The following CELF1 variants were observed in gnomAD, a reference collection of about 807,000 sequenced individuals.
The protein encoded by CELF1 is 50 kDa nuclear polyadenylated RNA-binding protein.
CELF1 carries 10 observed loss-of-function variants against 61.8 expected under a neutral mutation model. The observed-to-expected ratio is 0.16, with a 90% CI of 0.10 to 0.27. The LOEUF is 0.27. Among genes scored for constraint, CELF1 ranks in the 10% least tolerant of loss-of-function variants. The pLI, the probability that CELF1 is intolerant of heterozygous loss-of-function variation, is 1.00. For synonymous variants in CELF1, 236 were observed against 225.1 expected (o/e 1.05, Z -0.43); for missense variants, 380 against 639.1 (o/e 0.59, Z 4.37).
chr11:47,526,947 A>C (rs555394472), intron 1 of CELF1, among the ~76,000 whole-genome samples: 1 of 151,858 alleles, frequency 6.6e-6, no homozygotes, highest in East Asian at 1.9e-4. Context: ...GCTACTCAGG[A>C]GGCTGAGGCA....
rs538494499 is a variant in CELF1, at chr11:47,483,981, T to A, written c.526+408A>T. On this transcript the variant is annotated intron_variant, in intron 7 of 14. Transcript: ENST00000687097. ...GGAAGCAGCAGGCCCAACCTCTTTATCTTGACTGGGCCATATTGGCTAGGG... is the reference window on the plus strand; with the variant it reads ...GGAAGCAGCAGGCCCAACCTCTTTAACTTGACTGGGCCATATTGGCTAGGG... Among the ~76,000 whole-genome samples, 29 of 152,226 alleles carry A rather than the reference T, an allele frequency of 1.9e-4. No homozygotes were observed. In the East Asian group the frequency reaches 5.6e-3, roughly 29 times the overall value.
At position 47,531,462 on chromosome 11, in the gene CELF1, TG is replaced by T. The variant is rs1046224527; in HGVS notation, c.-154+21529del. Among the ~76,000 whole-genome samples, 56 of 151,840 alleles carry T rather than the reference TG, an allele frequency of 3.7e-4. 1 individual carries two copies. The highest frequency in any genetic ancestry group is 1.5e-5 in the Non-Finnish European group (1 of 67,958). ...CACTCGCCTATAGTCTCAGCTACTC[TG>T]GGGGCTGAGGTAGGAGAATTGCTTG... On this transcript the variant is annotated intron_variant, in intron 1 of 14. Coordinates refer to ENST00000687097, the MANE Select transcript of CELF1 (RefSeq NM_001376376.1).
intron 3 of CELF1, among the ~76,000 whole-genome samples, chr11:47,498,065 T>A (rs1177170773): frequency 6.6e-6 from 1 of 152,160 alleles, no homozygotes; most frequent in Non-Finnish European, 1.5e-5. Context: ...TAAAATAAAA[T>A]TTTAGTAGTA....
At chr11:47,486,348 C>T (rs2087055925) in intron 6 of CELF1, among the ~76,000 whole-genome samples, 1 of 151,600 alleles carries the variant, frequency 6.6e-6, no homozygotes, top group African/African-American at 2.4e-5. Context: ...ACAACTTAGA[C>T]AACGGATTAC....
chr11:47,552,615 G>A (rs2097169297), intron 1 of CELF1, among the ~76,000 whole-genome samples: 1 of 152,252 alleles, frequency 6.6e-6, no homozygotes, highest in Non-Finnish European at 1.5e-5. Context: ...GTCCCGGGCA[G>A]GTAGCCTGGG....
At chr11:47,559,027 TATA>T (rs960006058) in intron 2 of CELF1, among the ~76,000 whole-genome samples, 48 of 143,156 alleles carry the variant, frequency 3.4e-4, no homozygotes, top group Admixed American at 6.8e-4. Flanking sequence ...ATATATAATA[TATA>T]ATATGTTACA....
chr11:47,523,402 A>C (rs537590404), intron 1 of CELF1: 1 of 152,430 alleles, frequency 6.6e-6, no homozygotes, highest in East Asian at 1.9e-4. Context: ...GAGAAGATGA[A>C]GCAGATATAA....
At position 47,467,877 on chromosome 11, in the gene CELF1, TAATC is replaced by T. The variant is rs557145148; in HGVS notation, c.*4349_*4352del. The T allele has an allele frequency of 1.5e-3, 223 of 152,204 alleles. No homozygotes were observed. Among genetic ancestry groups the T allele is most frequent in the African/African-American group, 4.9e-3 (202 of 41,526 alleles). The allele number at this position is 152,204 out of a possible 1,614,324, so 9.4% of individuals were successfully genotyped here. A position where few individuals can be genotyped will look rare whatever the true frequency, so the allele number is the denominator to read the frequency against. On this transcript the variant is annotated 3_prime_UTR_variant, in exon 15 of 15. Coordinates refer to ENST00000687097, the MANE Select transcript of CELF1 (RefSeq NM_001376376.1). Reference sequence around the variant, plus strand: ...TTAAACAATACAATCTTGAAAAAAATAATCAACCCTACAACAATTTAAAACAGCT... The same window carrying T: ...TTAAACAATACAATCTTGAAAAAAATAACCCTACAACAATTTAAAACAGCT...
chr11:47,503,612 C>T (rs921041766), intron 1 of CELF1, among the ~76,000 whole-genome samples: 1 of 152,116 alleles, frequency 6.6e-6, no homozygotes, highest in Non-Finnish European at 1.5e-5. Context: ...GGTATTTTAC[C>T]CCCAAGTTTC....
chr11:47,483,924 G>C (rs1280489883), intron 7 of CELF1, among the ~76,000 whole-genome samples: 2 of 152,182 alleles, frequency 1.3e-5, no homozygotes, highest in African/African-American at 4.8e-5. Context: ...GAACTGATAG[G>C]AGGAGTCAAG....
At chr11:47,523,736 T>C (rs2096075699) in intron 1 of CELF1, 1 of 152,240 alleles carries the variant, frequency 6.6e-6, no homozygotes, top group Non-Finnish European at 1.5e-5. Context: ...TGACAAGTTC[T>C]ATTCCCAACA....
chr11:47,558,693 AAT>A (rs1240465690), intron 2 of CELF1, among the ~76,000 whole-genome samples: 6 of 114,992 alleles, frequency 5.2e-5, no homozygotes, highest in East Asian at 4.3e-4. Flanking sequence ...TATTATATAT[AAT>A]ATATGTCATA....
intron 3 of CELF1, among the ~76,000 whole-genome samples, chr11:47,490,738 T>C (rs2091031735): frequency 6.6e-6 from 1 of 152,100 alleles, no homozygotes; most frequent in Non-Finnish European, 1.5e-5. Flanking sequence ...GTGCTAGTTC[T>C]CTTTAAACAA....
intron 1 of CELF1, among the ~76,000 whole-genome samples, chr11:47,511,644 G>A (rs1445396136): frequency 2.6e-5 from 4 of 152,144 alleles, no homozygotes; most frequent in Non-Finnish European, 4.4e-5. Context: ...CATACACTAT[G>A]ACCTGTTTTG....
At position 47,470,307 on chromosome 11, in the gene CELF1, TTTTC is replaced by T. The variant is rs2077408159; in HGVS notation, c.*1919_*1922del. 6.6e-6 allele frequency: 1 copy of T among 152,120 alleles called. No homozygotes were observed. The highest frequency in any genetic ancestry group is 2.1e-4 in the South Asian group (1 of 4,818). The allele number at this position is 152,120 out of a possible 1,614,324, so 9.4% of individuals were successfully genotyped here. A position where few individuals can be genotyped will look rare whatever the true frequency, so the allele number is the denominator to read the frequency against. ...TTTTCTTTTTTTTTTTTGTTTTCTTTTTTCTTTTTTATTTTTATTTTTTGCATTT... is the reference window on the plus strand; with the variant it reads ...TTTTCTTTTTTTTTTTTGTTTTCTTTTTTTTTATTTTTATTTTTTGCATTT... On this transcript the variant is annotated 3_prime_UTR_variant, in exon 15 of 15. Coordinates refer to ENST00000687097, the MANE Select transcript of CELF1 (RefSeq NM_001376376.1).
At chr11:47,519,762 C>T (rs577574382) in intron 1 of CELF1, among the ~76,000 whole-genome samples, 31 of 151,752 alleles carry the variant, frequency 2.0e-4, no homozygotes, top group African/African-American at 7.0e-4. Context: ...ACTCGGGAGG[C>T]TGAGGCAGGA....
chr11:47,480,338 C>T (rs1467933303), intron 9 of CELF1, among the ~76,000 whole-genome samples: 7 of 152,146 alleles, frequency 4.6e-5, no homozygotes, highest in African/African-American at 1.7e-4. Context: ...TTGCCTGCCT[C>T]GGCTTCCCAA....
chr11:47,484,323 A>C (rs1596387053), intron 7 of CELF1, 66 bp downstream of exon 7: 1 of 1,560,476 alleles, frequency 6.4e-7, no homozygotes, highest in East Asian at 2.2e-5. Context: ...TCTCCAAAAA[A>C]AAAAAAACCC....
Position 47,489,071 on chromosome 11 carries a change from C to T in CELF1, c.72-47G>A, listed in dbSNP as rs756835511. 7 of 1,399,648 alleles carry T rather than the reference C, an allele frequency of 5.0e-6. No homozygotes were observed. The South Asian group carries it at 9.9e-5, about 20-fold the overall frequency. 86.7% of individuals were successfully genotyped at this position (1,399,648 alleles called of 1,614,324 possible). A position where few individuals can be genotyped will look rare whatever the true frequency, so the allele number is the denominator to read the frequency against. On this transcript the variant is annotated intron_variant, in intron 3 of 14. Transcript: ENST00000687097. ...TTCTATTATGTAATAATGTTGCTTT[C>T]CAGAGGAAATTTTCTTTTCTTTAAT...
Sources: allele counts gnomAD v4.1 joint callset (sites outside exome capture counted in the v4.1 genomes callset), GRCh38; gene constraint gnomAD v4.1.1; transcripts MANE v1.5; gene names NCBI Gene and HGNC (gene_info 2026-07-23, HGNC 2026-07-21).